ERBB4: variants seen among roughly 807,000 people sequenced by gnomAD.
ERBB4 encodes receptor tyrosine-protein kinase erbB-4.
A neutral mutation model predicts 158.0 loss-of-function variants in ERBB4; 42 were observed. The observed-to-expected ratio is 0.27, with a 90% CI of 0.21 to 0.34. The LOEUF (loss-of-function observed/expected upper bound fraction) is 0.34, where lower values mean the gene tolerates loss of function less well. Among genes scored for constraint, ERBB4 ranks in the 10% least tolerant of loss-of-function variants. The pLI is 1.00. For synonymous variants in ERBB4, 583 were observed against 558.7 expected, an observed-to-expected ratio of 1.04 and a Z score of -0.61; for missense variants, 1,333 against 1,624.1, an observed-to-expected ratio of 0.82 and a Z score of 3.08.
rs12053202 is a variant in ERBB4, at chr2:211,492,405, G to C, written c.2488-61305C>G. Reference sequence around the variant, plus strand: ...TAAGTTTCATTTTCCTTATCTGTAAGATTAAGCTAATAAAACAGTTTATTG... The same window carrying C: ...TAAGTTTCATTTTCCTTATCTGTAACATTAAGCTAATAAAACAGTTTATTG... On this transcript the variant is annotated intron_variant, in intron 20 of 27. Transcript: ENST00000342788. 1.6e-4 allele frequency among the ~76,000 whole-genome samples: 25 copies of C among 152,174 alleles called. No individual in the cohort carries two copies. The East Asian group carries it at 3.7e-3, about 22-fold the overall frequency.
At chr2:211,945,873 T>C (rs1033153987) in intron 3 of ERBB4, among the ~76,000 whole-genome samples, 4 of 152,068 alleles carry the variant, frequency 2.6e-5, no homozygotes, top group Admixed American at 1.3e-4. Context: ...TACAAAAGTT[T>C]GAAAGAAATT....
chr2:211,607,630 A>G (rs767745734), intron 19 of ERBB4, among the ~76,000 whole-genome samples: 5 of 152,074 alleles, frequency 3.3e-5, no homozygotes, highest in African/African-American at 7.2e-5. Flanking sequence ...TTTTTTTCTA[A>G]TCACACTATG....
At chr2:212,358,482 A>C (rs1374425043) in intron 1 of ERBB4, among the ~76,000 whole-genome samples, 1 of 151,802 alleles carries the variant, frequency 6.6e-6, no homozygotes, top group Non-Finnish European at 1.5e-5. Context: ...AAGATTATAA[A>C]TGTTCATATG....
intron 2 of ERBB4, among the ~76,000 whole-genome samples, chr2:211,957,393 C>T (rs1439183278): frequency 6.6e-6 from 1 of 152,046 alleles, no homozygotes; most frequent in Non-Finnish European, 1.5e-5. Context: ...CGCTACAGAG[C>T]CCTTGATCTC....
chr2:212,185,960 A>C (rs889504317), intron 1 of ERBB4, among the ~76,000 whole-genome samples: 1 of 152,192 alleles, frequency 6.6e-6, no homozygotes, highest in African/African-American at 2.4e-5. Context: ...TAAACAGTAA[A>C]GTTAATTATC....
intron 19 of ERBB4, among the ~76,000 whole-genome samples, chr2:211,576,264 C>T (rs190207449): frequency 6.6e-5 from 10 of 152,186 alleles, no homozygotes; most frequent in Admixed American, 3.3e-4. Flanking sequence ...TTTGTCTAGA[C>T]GCACACTGTG....
chr2:212,073,486 C>T (rs2078184874), intron 2 of ERBB4, among the ~76,000 whole-genome samples: 1 of 151,832 alleles, frequency 6.6e-6, no homozygotes, highest in South Asian at 2.1e-4. Flanking sequence ...ACCATTGTGG[C>T]CAGAACAATA....
At chr2:211,425,203 G>A (rs1249723534) in intron 22 of ERBB4, among the ~76,000 whole-genome samples, 1 of 152,078 alleles carries the variant, frequency 6.6e-6, no homozygotes, top group African/African-American at 2.4e-5. Flanking sequence ...TTTGATTGAT[G>A]TGTATATACA....
chr2:212,425,592 T>C (rs1392647795), intron 1 of ERBB4, among the ~76,000 whole-genome samples: 2 of 151,726 alleles, frequency 1.3e-5, no homozygotes, highest in South Asian at 2.1e-4. Context: ...ATATTGGTTA[T>C]AGTATAAACA....
chr2:211,832,564 ATGTATG>A (rs1291970555), intron 3 of ERBB4, among the ~76,000 whole-genome samples: 2 of 143,414 alleles, frequency 1.4e-5, no homozygotes, highest in East Asian at 4.2e-4. Flanking sequence ...AAATAAATAT[ATGTATG>A]TGTGTGTGTA....
chr2:212,503,196 T>C lies in ERBB4; in HGVS notation c.82+35253A>G, dbSNP rs536756763. Among the ~76,000 whole-genome samples, 217 of 152,374 alleles carry C rather than the reference T, an allele frequency of 1.4e-3. 3 individuals are homozygous for C. Among genetic ancestry groups the C allele is most frequent in the African/African-American group, 5.0e-3 (208 of 41,594 alleles). ...ATAAACTCTTACTGGGTTAAGCTAC[T>C]GTAACACAGGGTTTTTGTTGTTGTT... On this transcript the variant is annotated intron_variant, in intron 1 of 27. Transcript: ENST00000342788.
At chr2:211,639,720 G>A (rs539671823) in intron 16 of ERBB4, among the ~76,000 whole-genome samples, 3 of 151,884 alleles carry the variant, frequency 2.0e-5, no homozygotes, top group Admixed American at 2.0e-4. Flanking sequence ...ATTTTCAGAG[G>A]GTTTGCAAAC....
chr2:211,387,434 C>A (rs1343329573), intron 26 of ERBB4, among the ~76,000 whole-genome samples: 2 of 152,012 alleles, frequency 1.3e-5, no homozygotes, highest in African/African-American at 2.4e-5. Flanking sequence ...GCCCTTTTCC[C>A]ACAAGTGCCT....
At chr2:211,990,091 T>C (rs1446913861) in intron 2 of ERBB4, among the ~76,000 whole-genome samples, 2 of 151,982 alleles carry the variant, frequency 1.3e-5, no homozygotes, top group East Asian at 3.9e-4. Flanking sequence ...ATTAACCCCT[T>C]CCTGAATTAT....
chr2:211,903,943 T>C (rs2079306093), intron 3 of ERBB4, among the ~76,000 whole-genome samples: 1 of 152,204 alleles, frequency 6.6e-6, no homozygotes, highest in African/African-American at 2.4e-5. Context: ...AGATTTTAAA[T>C]TGCTAGAACT....
chr2:211,822,290 G>A (rs752519440), intron 3 of ERBB4, among the ~76,000 whole-genome samples: 5 of 151,770 alleles, frequency 3.3e-5, no homozygotes, highest in African/African-American at 7.3e-5. Flanking sequence ...GCTAGAAGGA[G>A]AATATTGAAT....
intron 19 of ERBB4, among the ~76,000 whole-genome samples, chr2:211,613,131 G>C (rs572483313): frequency 1.3e-5 from 2 of 152,058 alleles, no homozygotes; most frequent in South Asian, 4.1e-4. Flanking sequence ...GATGGAACTT[G>C]GTAGTCTAGT....
chr2:212,478,941 A>G (rs1466566842), intron 1 of ERBB4, among the ~76,000 whole-genome samples: 2 of 152,050 alleles, frequency 1.3e-5, no homozygotes, highest in Non-Finnish European at 2.9e-5. Flanking sequence ...CTTTTCCTAC[A>G]TTCTCTAACT....
chr2:212,054,509 T>C (rs1247385525), intron 2 of ERBB4, among the ~76,000 whole-genome samples: 1 of 152,162 alleles, frequency 6.6e-6, no homozygotes, highest in Non-Finnish European at 1.5e-5. Flanking sequence ...GAAAAGAGTT[T>C]CTACTGGAAG....
Sources: allele counts gnomAD v4.1 joint callset (sites outside exome capture counted in the v4.1 genomes callset), GRCh38; gene constraint gnomAD v4.1.1; transcripts MANE v1.5; gene names NCBI Gene and HGNC (gene_info 2026-07-23, HGNC 2026-07-21).